The following DMD variants were observed in gnomAD, a reference collection of about 807,000 sequenced individuals.
The protein encoded by DMD is dystrophin.
A neutral mutation model predicts 330.1 loss-of-function variants in DMD; 63 were observed. The ratio of observed to expected loss-of-function variants is 0.19; its 90% confidence interval spans 0.16 to 0.24. The LOEUF (loss-of-function observed/expected upper bound fraction) is 0.24. DMD is among the 10% of genes least tolerant of loss of function. The probability of loss-of-function intolerance (pLI) is 1.00; values close to 1 mark genes in which losing one functional copy is unlikely to be tolerated. For synonymous variants in DMD, 1,223 were observed against 959.8 expected (o/e 1.27, Z -5.07); for missense variants, 3,344 against 2,684.1 (o/e 1.25, Z -5.43).
rs1189846429 is a variant in DMD, at chrX:31,875,268, G to A, written c.7018C>T (p.Leu2340=). 5 of 1,156,978 alleles carry A rather than the reference G, an allele frequency of 4.3e-6. No homozygotes were observed. Among genetic ancestry groups the A allele is most frequent in the Middle Eastern group, 2.5e-4 (1 of 4,060 alleles). ...LEDLEEQLNH[L]LLWLSPIRNQ... is the part of the protein sequence containing the mutation. The stretch of plus-strand genomic sequence containing the variant: ...CTAATAGGAGATAACCACAGCAGCA[G>A]ATGATTTAACTGCTCTTCAAGGTCT... The change falls in exon 48 of 79, where the codon CTG becomes TTG. Residue 2340 remains leucine (L), a synonymous_variant. Coordinates refer to ENST00000357033, the MANE Select transcript of DMD (RefSeq NM_004006.3).
At chrX:31,477,823 ACACACAC>A (rs1379966507) in intron 59 of DMD, among the ~76,000 whole-genome samples, 11 of 111,161 alleles carry the variant, frequency 9.9e-5, no homozygotes, top group African/African-American at 3.6e-4. Flanking sequence ...ACACACACAC[ACACACAC>A]ATCAGACTTT....
At chrX:32,904,293 G>A (rs1258663085) in intron 2 of DMD, among the ~76,000 whole-genome samples, 1 of 111,769 alleles carries the variant, frequency 8.9e-6, no homozygotes, top group Non-Finnish European at 1.9e-5. Flanking sequence ...AGATCAAGAA[G>A]CCGAACATTA....
rs2032577297 is a variant in DMD, at chrX:31,121,634, TTTG to T, written c.*282_*284del. 5.5e-6 allele frequency: 2 copies of T among 365,890 alleles called. No homozygotes were observed. Among genetic ancestry groups the T allele is most frequent in the Admixed American group, 4.8e-5 (1 of 20,646 alleles). The allele number at this position is 365,890 out of a possible 1,213,427, so 30.2% of individuals were successfully genotyped here. A position where few individuals can be genotyped will look rare whatever the true frequency, so the allele number is the denominator to read the frequency against. On this transcript the variant is annotated 3_prime_UTR_variant, in exon 79 of 79. Transcript: ENST00000357033. ...TTACATGTAGTTTTCTTATAACTTT[TTTG>T]TACAATTGCATAGACGTGTAAAACC...
intron 21 of DMD, among the ~76,000 whole-genome samples, 155 bp downstream of exon 21, chrX:32,484,764 C>G (rs1211577535): frequency 1.8e-5 from 2 of 112,414 alleles, no homozygotes; most frequent in East Asian, 5.6e-4. Flanking sequence ...GACAGCTTAT[C>G]TGTTACACCA....
intron 1 of DMD, among the ~76,000 whole-genome samples, chrX:33,075,505 C>CAGATA (rs1569552797): frequency 8.9e-6 from 1 of 112,294 alleles, no homozygotes; most frequent in African/African-American, 3.2e-5. Flanking sequence ...ACCTATTGTG[C>CAGATA]AGATACATTC....
At chrX:31,143,871 G>C (rs779231846) in intron 76 of DMD, among the ~76,000 whole-genome samples, 1 of 111,841 alleles carries the variant, frequency 8.9e-6, no homozygotes, top group Non-Finnish European at 1.9e-5. Context: ...TCCTGAAGTA[G>C]AAAAAAATAA....
chrX:32,736,504 T>A (rs1162240529), intron 7 of DMD, among the ~76,000 whole-genome samples: 1 of 110,163 alleles, frequency 9.1e-6, no homozygotes, highest in Non-Finnish European at 1.9e-5. Flanking sequence ...TAGCAAAGAC[T>A]TGGAACCAAC....
chrX:31,940,731 A>G (rs761706856), intron 45 of DMD, among the ~76,000 whole-genome samples: 1 of 110,302 alleles, frequency 9.1e-6, no homozygotes, highest in Non-Finnish European at 1.9e-5. Context: ...TATAGAAATA[A>G]AGAAGCGAGG....
chrX:31,886,198 T>A (rs938366412), intron 47 of DMD, among the ~76,000 whole-genome samples: 1 of 111,508 alleles, frequency 9.0e-6, no homozygotes, highest in Non-Finnish European at 1.9e-5. Flanking sequence ...TTTAACTTAA[T>A]TTTAAAATCC....
At chrX:33,265,901 CTAAAT>C (rs1447408201) in intron 1 of DMD, among the ~76,000 whole-genome samples, 1 of 111,341 alleles carries the variant, frequency 9.0e-6, no homozygotes, top group Non-Finnish European at 1.9e-5. Flanking sequence ...TTATAAGCAA[CTAAAT>C]TATTTAGTCA....
chrX:32,471,883 C>G (rs1422136349), intron 22 of DMD, among the ~76,000 whole-genome samples: 2 of 111,482 alleles, frequency 1.8e-5, no homozygotes, highest in Non-Finnish European at 3.8e-5. Context: ...TTCTAATAAT[C>G]AAAATCAATA....
chrX:32,819,873 C>T (rs1278444988), intron 5 of DMD, among the ~76,000 whole-genome samples: 1 of 92,525 alleles, frequency 1.1e-5, no homozygotes, highest in Non-Finnish European at 2.2e-5. Context: ...AAAAGAAAAA[C>T]ACATTTTTAG....
intron 55 of DMD, among the ~76,000 whole-genome samples, chrX:31,547,069 A>T (rs1374508136): frequency 8.9e-6 from 1 of 112,423 alleles, no homozygotes; most frequent in Non-Finnish European, 1.9e-5. Flanking sequence ...TTACACTAAA[A>T]TTTTCCATCA....
chrX:31,301,158 G>A (rs2054610484), intron 62 of DMD, among the ~76,000 whole-genome samples: 1 of 111,540 alleles, frequency 9.0e-6, no homozygotes. Flanking sequence ...CTTCCTTCAG[G>A]AACTGTACCT....
At chrX:33,207,520 T>C (rs2051649761) in intron 1 of DMD, among the ~76,000 whole-genome samples, 1 of 111,524 alleles carries the variant, frequency 9.0e-6, no homozygotes, top group South Asian at 3.7e-4. Context: ...GAAGACACAT[T>C]CACTTTTAGT....
intron 55 of DMD, among the ~76,000 whole-genome samples, chrX:31,568,226 A>C (rs1463906863): frequency 9.0e-6 from 1 of 111,185 alleles, no homozygotes; most frequent in African/African-American, 3.3e-5. Context: ...GAGAGCTTTA[A>C]AGTAATGTGT....
chrX:32,155,179 T>C (rs908589517), intron 44 of DMD, among the ~76,000 whole-genome samples: 20 of 110,795 alleles, frequency 1.8e-4, no homozygotes, highest in South Asian at 3.8e-4. Flanking sequence ...TCTAACTAGC[T>C]ATTACAATAC....
chrX:31,891,365 A>G (rs1171459003), intron 47 of DMD, among the ~76,000 whole-genome samples: 1 of 111,737 alleles, frequency 8.9e-6, no homozygotes. Flanking sequence ...ACAATAAAAA[A>G]ATCAGGGCAA....
At chrX:33,074,809 G>A (rs1421050647) in intron 1 of DMD, among the ~76,000 whole-genome samples, 1 of 111,245 alleles carries the variant, frequency 9.0e-6, no homozygotes, top group African/African-American at 3.3e-5. Flanking sequence ...AAATTATAAC[G>A]GTGAGAAAAT....
Sources: gnomAD v4.1 joint callset for allele counts (sites outside exome capture counted in the v4.1 genomes callset) on GRCh38, gnomAD v4.1.1 for gene constraint, MANE v1.5 for transcripts, NCBI Gene and HGNC (gene_info 2026-07-23, HGNC 2026-07-21) for gene names.